Variants in QTMAN observed in about 807,000 individuals in gnomAD.
QTMAN encodes the protein queuosine-tRNA mannosyltransferase, also known as tRNA-queuosine alpha-mannosyltransferase.
the QTMAN span, among the ~76,000 whole-genome samples, chr2:144,128,705 T>C: frequency 0.016 from 2,384 of 152,060 alleles, 26 homozygotes; most frequent in Non-Finnish European, 0.024. Flanking sequence ...AGATAACAGA[T>C]TTGGATGGGA....
At chr2:144,298,460 G>A in the QTMAN span, among the ~76,000 whole-genome samples, 18 of 152,226 alleles carry the variant, frequency 1.2e-4, no homozygotes, top group East Asian at 2.9e-3. Context: ...AAAGGTATGG[G>A]GTGTTTATTG....
At chr2:144,256,887 C>G in the QTMAN span, among the ~76,000 whole-genome samples, 1 of 151,846 alleles carries the variant, frequency 6.6e-6, no homozygotes, top group Non-Finnish European at 1.5e-5. Context: ...AAAAAAAAAT[C>G]TCTTTAAAAG....
chr2:143,957,368 C>A, the QTMAN span: 1 of 1,463,778 alleles, frequency 6.8e-7, no homozygotes, highest in East Asian at 2.4e-5. Context: ...AGATATTCAT[C>A]TATTTAATAT....
At chr2:144,205,303 T>C in the QTMAN span, among the ~76,000 whole-genome samples, 1 of 152,200 alleles carries the variant, frequency 6.6e-6, no homozygotes, top group African/African-American at 2.4e-5. Flanking sequence ...ACTTCATGGT[T>C]GCGGACATCA....
chr2:143,943,593 A>G, the QTMAN span: 1 of 152,224 alleles, frequency 6.6e-6, no homozygotes. Flanking sequence ...TACTTTTAAA[A>G]ATATCAAATA....
At chr2:144,036,875 T>A in the QTMAN span, among the ~76,000 whole-genome samples, 1 of 152,160 alleles carries the variant, frequency 6.6e-6, no homozygotes, top group Non-Finnish European at 1.5e-5. Flanking sequence ...ATAGCCCAAA[T>A]GTCCCTTCAT....
chr2:144,145,522 A>G, the QTMAN span: 1 of 1,395,840 alleles, frequency 7.2e-7, no homozygotes, highest in Non-Finnish European at 9.9e-7. Flanking sequence ...AACCACCTAC[A>G]AAGAAAAAGG....
the QTMAN span, among the ~76,000 whole-genome samples, chr2:144,087,938 A>C: frequency 3.9e-5 from 6 of 152,048 alleles, no homozygotes; most frequent in Non-Finnish European, 8.8e-5. Flanking sequence ...ACATAGTACT[A>C]GTCCTGGAAG....
the QTMAN span, among the ~76,000 whole-genome samples, chr2:144,099,759 A>G: frequency 0.045 from 6,913 of 152,270 alleles, 520 homozygotes; most frequent in African/African-American, 0.16. Context: ...TTCTGTGACC[A>G]CATCTTTTAA....
At chr2:144,136,229 G>C in the QTMAN span, among the ~76,000 whole-genome samples, 2 of 151,728 alleles carry the variant, frequency 1.3e-5, no homozygotes, top group African/African-American at 4.8e-5. Flanking sequence ...AGTAGGGTAA[G>C]ATGGGAGAGT....
the QTMAN span, among the ~76,000 whole-genome samples, chr2:144,290,437 CT>C: frequency 2.6e-5 from 4 of 152,220 alleles, no homozygotes; most frequent in Non-Finnish European, 5.9e-5. Flanking sequence ...CACAATCCTC[CT>C]TTCTGGTCTC....
At chr2:144,114,265 C>T in the QTMAN span, among the ~76,000 whole-genome samples, 2 of 152,194 alleles carry the variant, frequency 1.3e-5, no homozygotes, top group South Asian at 2.1e-4. Context: ...TTAGTTACTA[C>T]AGCCTGCTTG....
chr2:144,186,954 A>T, the QTMAN span, among the ~76,000 whole-genome samples: 1 of 152,232 alleles, frequency 6.6e-6, no homozygotes, highest in Admixed American at 6.5e-5. Context: ...CTCTAAAGCC[A>T]TAACTGTGTT....
At chr2:144,254,159 T>C in the QTMAN span, among the ~76,000 whole-genome samples, 8 of 152,354 alleles carry the variant, frequency 5.3e-5, no homozygotes, top group African/African-American at 1.9e-4. Context: ...CAGTGGCTCA[T>C]GCCTGTAATC....
chr2:144,048,355 C>T, the QTMAN span, among the ~76,000 whole-genome samples: 1 of 152,256 alleles, frequency 6.6e-6, no homozygotes, highest in South Asian at 2.1e-4. Flanking sequence ...TTTCCTCTGT[C>T]CTTTTTCTTT....
At chr2:144,220,221 A>G in the QTMAN span, among the ~76,000 whole-genome samples, 1 of 152,188 alleles carries the variant, frequency 6.6e-6, no homozygotes, top group Non-Finnish European at 1.5e-5. Flanking sequence ...TTAGCTACCC[A>G]CTATTATAAG....
At chr2:144,048,267 T>C in the QTMAN span, among the ~76,000 whole-genome samples, 8 of 152,316 alleles carry the variant, frequency 5.3e-5, no homozygotes, top group East Asian at 1.9e-4. Context: ...ACATGGACTA[T>C]AGGAATTCAG....
the QTMAN span, among the ~76,000 whole-genome samples, chr2:144,005,425 T>G: frequency 6.6e-6 from 1 of 152,218 alleles, no homozygotes; most frequent in Non-Finnish European, 1.5e-5. Flanking sequence ...TTAGTTCTCT[T>G]GTCAGCTTCT....
chr2:144,051,106 T>A, the QTMAN span, among the ~76,000 whole-genome samples: 1 of 152,212 alleles, frequency 6.6e-6, no homozygotes, highest in African/African-American at 2.4e-5. Flanking sequence ...TATTTCCTCA[T>A]GACCTTACCA....
Sources: gnomAD v4.1 joint callset for allele counts (sites outside exome capture counted in the v4.1 genomes callset) on GRCh38, gnomAD v4.1.1 for gene constraint, MANE v1.5 for transcripts, NCBI Gene and HGNC (gene_info 2026-07-23, HGNC 2026-07-21) for gene names.